The following SPEF2 variants were observed in gnomAD, a reference collection of about 807,000 sequenced individuals.
The protein encoded by SPEF2 is sperm flagella and cilia-associated protein 2.
SPEF2 carries 187 observed loss-of-function variants against 224.6 expected under a neutral mutation model. The observed-to-expected ratio is 0.83, with a 90% CI of 0.74 to 0.94. SPEF2 has a LOEUF of 0.94. Among genes scored for constraint, SPEF2 ranks in the 40% least tolerant of loss-of-function variants. The probability of loss-of-function intolerance (pLI) is 0.00; values close to 1 mark genes in which losing one functional copy is unlikely to be tolerated. For missense variants in SPEF2, 2,170 were observed against 2,135.6 expected (o/e 1.02, Z -0.32); for synonymous variants, 715 against 707.3 (o/e 1.01, Z -0.17).
In SPEF2 at chr5:35,641,874, A is replaced by C. The variant is rs1033329752; in HGVS notation, c.414+191A>C. On this transcript the variant is annotated intron_variant, in intron 3 of 36. Coordinates refer to ENST00000356031, the MANE Select transcript of SPEF2 (RefSeq NM_024867.4). Reference sequence around the variant, plus strand: ...TTAGCCATTTTTGATGTCTCTCTCTATCCTATCCATATTGCCAATAGCTTA... The same window carrying C: ...TTAGCCATTTTTGATGTCTCTCTCTCTCCTATCCATATTGCCAATAGCTTA... 3.6e-5 allele frequency: 19 copies of C among 523,064 alleles called. No homozygotes were observed. In the Admixed American group the frequency reaches 4.7e-4, roughly 13 times the overall value. 32.4% of individuals were successfully genotyped at this position (523,064 alleles called of 1,614,324 possible).
chr5:35,619,733 TC>T (rs1743236477), intron 1 of SPEF2, among the ~76,000 whole-genome samples: 1 of 151,984 alleles, frequency 6.6e-6, no homozygotes, highest in African/African-American at 2.4e-5. Context: ...TTTGCTGAAG[TC>T]CCCAGGACTC....
At chr5:35,786,255 C>G (rs1220218045) in intron 30 of SPEF2, among the ~76,000 whole-genome samples, 2 of 152,304 alleles carry the variant, frequency 1.3e-5, no homozygotes, top group South Asian at 4.1e-4. Flanking sequence ...TAAGAAAATG[C>G]AGGCAGTAGC....
At chr5:35,750,234 C>G (rs763401745) in intron 23 of SPEF2, among the ~76,000 whole-genome samples, 16 of 152,094 alleles carry the variant, frequency 1.1e-4, no homozygotes, top group Non-Finnish European at 2.2e-4. Flanking sequence ...AACATAAGAC[C>G]TGAAACTAAA....
At chr5:35,637,985 C>A (rs1301514704) in intron 2 of SPEF2, among the ~76,000 whole-genome samples, 1 of 152,068 alleles carries the variant, frequency 6.6e-6, no homozygotes, top group East Asian at 1.9e-4. Flanking sequence ...TGCTGTCTAT[C>A]CCTTTATGAA....
intron 24 of SPEF2, among the ~76,000 whole-genome samples, chr5:35,756,497 T>A (rs1012230286): frequency 3.9e-5 from 6 of 152,176 alleles, no homozygotes; most frequent in Admixed American, 2.0e-4. Flanking sequence ...CGGTTCAATA[T>A]TTAAAGAAAG....
chr5:35,809,562 G>A (rs527729646), intron 36 of SPEF2, among the ~76,000 whole-genome samples: 15 of 152,210 alleles, frequency 9.9e-5, no homozygotes, highest in Non-Finnish European at 2.2e-4. Flanking sequence ...TCTGGGGAAG[G>A]CATGGAAGAA....
intron 30 of SPEF2, chr5:35,789,637 C>A: frequency 1.6e-6 from 1 of 629,136 alleles, no homozygotes; most frequent in Non-Finnish European, 2.8e-6. Context: ...TTCAGAGATG[C>A]CAGCCAAAAT....
In SPEF2 at chr5:35,727,296, A is replaced by G. The variant is rs898512352; in HGVS notation, c.2915-379A>G. 5.3e-5 allele frequency among the ~76,000 whole-genome samples: 8 copies of G among 152,168 alleles called. No homozygotes were observed. In the South Asian group the frequency reaches 1.5e-3, roughly 28 times the overall value. ...ATACCAAGAGCACCACTCATGTTCT[A>G]GCTACCTTCTTTCTCATTCAAGGTG... On this transcript the variant is annotated intron_variant, in intron 20 of 36. Transcript: ENST00000356031.
At chr5:35,727,547 C>T in intron 20 of SPEF2, 128 bp from the exon 21 acceptor site, 1 of 689,696 alleles carries the variant, frequency 1.4e-6, no homozygotes, top group Non-Finnish European at 2.3e-6. Context: ...TTGTAAGACT[C>T]CTCAAAAAAG....
At chr5:35,722,314 G>A (rs1000403349) in intron 20 of SPEF2, among the ~76,000 whole-genome samples, 4 of 151,934 alleles carry the variant, frequency 2.6e-5, no homozygotes, top group Non-Finnish European at 4.4e-5. Context: ...AGGGAGCATC[G>A]GGGAGCTGAT....
intron 32 of SPEF2, 152 bp downstream of exon 32, chr5:35,793,493 T>A: frequency 1.4e-6 from 1 of 694,410 alleles, no homozygotes. Context: ...ACAGGCAGTG[T>A]CAAAGCCCCA....
At chr5:35,761,290 T>A (rs1186144321) in intron 25 of SPEF2, among the ~76,000 whole-genome samples, 1 of 152,206 alleles carries the variant, frequency 6.6e-6, no homozygotes, top group Non-Finnish European at 1.5e-5. Flanking sequence ...CTCTTAAGCC[T>A]CAGTTTCCTT....
intron 10 of SPEF2, chr5:35,675,946 G>A: frequency 2.2e-6 from 1 of 456,238 alleles, no homozygotes; most frequent in Non-Finnish European, 4.4e-6. Context: ...ATGAACTTGG[G>A]TCATGTGAAG....
At chr5:35,669,961 A>C (rs1199441407) in intron 9 of SPEF2, 98 bp from the exon 10 acceptor site, 7 of 937,526 alleles carry the variant, frequency 7.5e-6, no homozygotes, top group Non-Finnish European at 9.6e-6. Flanking sequence ...CTGTCTGATG[A>C]AAGTGAGCTA....
intron 18 of SPEF2, among the ~76,000 whole-genome samples, chr5:35,708,255 A>G (rs1272156584): frequency 6.6e-6 from 1 of 152,068 alleles, no homozygotes; most frequent in African/African-American, 2.4e-5. Flanking sequence ...GCAGTATTCT[A>G]AGTGCTTTGT....
chr5:35,789,702 C>G (rs1755685839), intron 30 of SPEF2: 1 of 646,946 alleles, frequency 1.5e-6, no homozygotes, highest in East Asian at 2.7e-5. Context: ...AAAGATAAAT[C>G]AAGGTAATCT....
At chr5:35,703,155 T>C (rs1739030555) in intron 16 of SPEF2, among the ~76,000 whole-genome samples, 1 of 151,962 alleles carries the variant, frequency 6.6e-6, no homozygotes, top group Admixed American at 6.6e-5. Flanking sequence ...TCTCTATATA[T>C]ATATGAAAGA....
intron 11 of SPEF2, 48 bp from the exon 12 acceptor site, chr5:35,692,522 C>T (rs2149536076): frequency 6.9e-7 from 1 of 1,459,774 alleles, no homozygotes; most frequent in Non-Finnish European, 9.3e-7. Flanking sequence ...CAACAATTTC[C>T]ATTTCCCAAA....
chr5:35,676,475 T>A (rs780530844), intron 10 of SPEF2, among the ~76,000 whole-genome samples: 1 of 152,166 alleles, frequency 6.6e-6, no homozygotes, highest in Non-Finnish European at 1.5e-5. Context: ...ACACCTGTAA[T>A]CCCAGCACTT....
Sources: allele counts gnomAD v4.1 joint callset (sites outside exome capture counted in the v4.1 genomes callset), GRCh38; gene constraint gnomAD v4.1.1; transcripts MANE v1.5; gene names NCBI Gene and HGNC (gene_info 2026-07-23, HGNC 2026-07-21).